Variants in SH3KBP1 observed in about 807,000 individuals in gnomAD.
SH3KBP1 encodes the protein SH3 domain-containing kinase-binding protein 1.
SH3KBP1 carries 8 observed loss-of-function variants against 50.1 expected under a neutral mutation model. The ratio of observed to expected loss-of-function variants is 0.16; its 90% CI spans 0.09 to 0.29. The LOEUF (loss-of-function observed/expected upper bound fraction) is 0.29, where lower values mean the gene tolerates loss of function less well. Ranked by LOEUF, SH3KBP1 falls within the 10% of genes least tolerant of loss-of-function variation. The pLI, the probability that SH3KBP1 is intolerant of heterozygous loss-of-function variation, is 1.00. For missense variants in SH3KBP1, 377 were observed against 535.2 expected (o/e 0.70, Z 2.92); for synonymous variants, 227 against 218.6 (o/e 1.04, Z -0.34).
At chrX:19,875,330 G>A (rs755973464) in intron 1 of SH3KBP1, among the ~76,000 whole-genome samples, 2 of 111,782 alleles carry the variant, frequency 1.8e-5, no homozygotes, top group Admixed American at 9.5e-5. Flanking sequence ...AACTGTTCTC[G>A]GCTCCGACAA....
Position 19,613,419 on chromosome X carries a change from G to A in SH3KBP1, c.898-5374C>T, listed in dbSNP as rs374655201. 2.3e-3 allele frequency among the ~76,000 whole-genome samples: 255 copies of A among 112,132 alleles called. 1 individual carries two copies. The highest frequency in any genetic ancestry group is 7.6e-3 in the African/African-American group (234 of 30,873). ...GAGCAGCATGTAGATGACGCTTCCA[G>A]AAAGCTGCTGTTTAGACATAAGCTC... On this transcript the variant is annotated intron_variant, in intron 8 of 17. Transcript: ENST00000397821.
chrX:19,742,351 T>C (rs908227417), intron 3 of SH3KBP1, among the ~76,000 whole-genome samples: 1 of 110,980 alleles, frequency 9.0e-6, no homozygotes, highest in African/African-American at 3.3e-5. Context: ...TCCTCTCACC[T>C]CAGCCTTCCA....
chrX:19,831,426 A>G (rs1489832034), intron 2 of SH3KBP1, among the ~76,000 whole-genome samples: 2 of 107,390 alleles, frequency 1.9e-5, no homozygotes, highest in African/African-American at 3.4e-5. Flanking sequence ...AAAAAAAAAA[A>G]AAAGAAAAGA....
intron 2 of SH3KBP1, among the ~76,000 whole-genome samples, chrX:19,766,483 CTTTTTTTTTTTTTTTTTTT>C (rs61439964): frequency 2.7e-4 from 6 of 22,587 alleles, no homozygotes; most frequent in East Asian, 1.7e-3. Flanking sequence ...TTGATTGCAT[CTTTTTTTTTTTTTTTTTTT>C]TTTTTTTTTT....
chrX:19,579,526 G>A (rs1489123544), intron 12 of SH3KBP1, among the ~76,000 whole-genome samples: 1 of 111,797 alleles, frequency 8.9e-6, no homozygotes, highest in Admixed American at 9.5e-5. Flanking sequence ...AAACCAATTA[G>A]TACAAAGCAT....
chrX:19,609,951 C>T (rs2067361737), intron 8 of SH3KBP1, among the ~76,000 whole-genome samples: 1 of 111,649 alleles, frequency 9.0e-6, no homozygotes, highest in South Asian at 3.8e-4. Context: ...AGGCCCACCT[C>T]AGGTAGCAAG....
chrX:19,587,937 C>T (rs918399421), intron 12 of SH3KBP1, among the ~76,000 whole-genome samples: 1 of 112,521 alleles, frequency 8.9e-6, no homozygotes, highest in Admixed American at 9.4e-5. Context: ...GTAGAAAGTT[C>T]TGGCAATGAA....
At chrX:19,719,849 CTAATAA>C (rs59706273) in intron 3 of SH3KBP1, among the ~76,000 whole-genome samples, 2,153 of 100,555 alleles carry the variant, frequency 0.021, 86 homozygotes, top group African/African-American at 0.075. Context: ...CCACCTCTAA[CTAATAA>C]TAATAATAAT....
chrX:19,878,815 A>C (rs2069343974), intron 1 of SH3KBP1, among the ~76,000 whole-genome samples: 1 of 112,325 alleles, frequency 8.9e-6, no homozygotes, highest in Admixed American at 9.4e-5. Flanking sequence ...ATAACTATAC[A>C]CTTAAAAGTG....
chrX:19,556,361 T>C (rs911384725), intron 13 of SH3KBP1, among the ~76,000 whole-genome samples: 4 of 109,673 alleles, frequency 3.6e-5, no homozygotes, highest in African/African-American at 1.3e-4. Context: ...TTTCTCCGCA[T>C]TGCAGAAACA....
chrX:19,656,493 G>A (rs1277718333), intron 6 of SH3KBP1, among the ~76,000 whole-genome samples: 1 of 111,958 alleles, frequency 8.9e-6, no homozygotes, highest in East Asian at 2.8e-4. Context: ...TTGGTGAATT[G>A]GTTTGACTAT....
At chrX:19,880,748 C>T (rs1165713791) in intron 1 of SH3KBP1, among the ~76,000 whole-genome samples, 1 of 110,949 alleles carries the variant, frequency 9.0e-6, no homozygotes, top group Non-Finnish European at 1.9e-5. Flanking sequence ...GGGAGGGGAT[C>T]CTGGATTATC....
intron 6 of SH3KBP1, among the ~76,000 whole-genome samples, chrX:19,646,994 T>C (rs545821693): frequency 4.4e-5 from 5 of 112,466 alleles, no homozygotes; most frequent in Middle Eastern, 9.2e-3. Flanking sequence ...TCAAATTTGA[T>C]GAAAAACTGT....
intron 3 of SH3KBP1, chrX:19,740,815 A>T (rs893563634): frequency 3.2e-6 from 1 of 317,279 alleles, no homozygotes. Flanking sequence ...CGGCCTATCA[A>T]GATCCACGCC....
chrX:19,830,494 T>C (rs975571612), intron 2 of SH3KBP1, among the ~76,000 whole-genome samples: 3 of 111,836 alleles, frequency 2.7e-5, no homozygotes, highest in Admixed American at 1.9e-4. Flanking sequence ...TAGTGGCTCA[T>C]GCCTATAATC....
chrX:19,707,532 A>G (rs1275617493), intron 3 of SH3KBP1, among the ~76,000 whole-genome samples: 1 of 111,398 alleles, frequency 9.0e-6, no homozygotes, highest in African/African-American at 3.3e-5. Flanking sequence ...TACCATTTCA[A>G]ACACCCCCAC....
In SH3KBP1 at chrX:19,691,354, CTCTA is replaced by C. The variant is rs1444856517; in HGVS notation, c.520+4254_520+4257del. Among the ~76,000 whole-genome samples the C allele has an allele frequency of 7.1e-3, 576 of 81,499 alleles. 5 individuals carry two copies. The highest frequency in any genetic ancestry group is 0.028 in the African/African-American group (526 of 18,888). The allele number at this position is 81,499 out of a possible 115,157, so 70.8% of individuals were successfully genotyped here. A position where few individuals can be genotyped will look rare whatever the true frequency, so the allele number is the denominator to read the frequency against. On this transcript the variant is annotated intron_variant, in intron 5 of 17. Coordinates refer to ENST00000397821, the MANE Select transcript of SH3KBP1 (RefSeq NM_031892.3). ...TCTCTCTCTCTCTCTCTCTCTCTCT[CTCTA>C]TATATATATATATCTTTTGAGATTA...
At chrX:19,642,093 C>T (rs765869541) in intron 7 of SH3KBP1, among the ~76,000 whole-genome samples, 1 of 111,985 alleles carries the variant, frequency 8.9e-6, no homozygotes, top group Non-Finnish European at 1.9e-5. Context: ...CCTCCCGCCT[C>T]GGCCCCCACG....
chrX:19,752,983 G>C (rs1030325795), intron 2 of SH3KBP1, among the ~76,000 whole-genome samples: 3 of 111,613 alleles, frequency 2.7e-5, no homozygotes, highest in African/African-American at 9.8e-5. Flanking sequence ...CTGTTCCCAA[G>C]AGGGCATCCT....
Sources: gnomAD v4.1 joint callset for allele counts (sites outside exome capture counted in the v4.1 genomes callset) on GRCh38, gnomAD v4.1.1 for gene constraint, MANE v1.5 for transcripts, NCBI Gene and HGNC (gene_info 2026-07-23, HGNC 2026-07-21) for gene names.